The following NTM variants were observed in gnomAD, a reference collection of about 807,000 sequenced individuals.
The protein encoded by NTM is neurotrimin.
A neutral mutation model predicts 42.1 loss-of-function variants in NTM; 13 were observed. The observed-to-expected ratio is 0.31, with a 90% confidence interval of 0.20 to 0.49. The LOEUF (loss-of-function observed/expected upper bound fraction) is 0.49. Ranked by LOEUF, NTM falls within the 20% of genes least tolerant of loss-of-function variation. The probability of loss-of-function intolerance (pLI) is 0.99; values close to 1 mark genes in which losing one functional copy is unlikely to be tolerated. For synonymous variants in NTM, 187 were observed against 179.2 expected (o/e 1.04, Z -0.35); for missense variants, 373 against 452.8 (o/e 0.82, Z 1.60).
intron 1 of NTM, among the ~76,000 whole-genome samples, chr11:131,814,487 A>G (rs1039674845): frequency 1.3e-5 from 2 of 152,178 alleles, no homozygotes; most frequent in Admixed American, 6.5e-5. Flanking sequence ...GAACCTTTCC[A>G]TACGGTTTCA....
intron 1 of NTM, among the ~76,000 whole-genome samples, chr11:131,640,111 G>A (rs879815523): frequency 9.9e-5 from 15 of 152,160 alleles, no homozygotes; most frequent in Admixed American, 3.9e-4. Flanking sequence ...TTCTGAGAAC[G>A]TCTTTTTGTT....
chr11:132,303,602 T>A (rs1157152479), intron 4 of NTM, among the ~76,000 whole-genome samples: 3 of 152,004 alleles, frequency 2.0e-5, no homozygotes, highest in Admixed American at 1.3e-4. Context: ...CAACATACCT[T>A]TTTTGGGAGG....
intron 1 of NTM, among the ~76,000 whole-genome samples, chr11:131,809,167 C>A (rs1458070819): frequency 1.3e-5 from 2 of 152,326 alleles, no homozygotes; most frequent in East Asian, 1.9e-4. Context: ...GTGATAGATG[C>A]TCAACACTTA....
chr11:131,613,549 C>T (rs2061640504), intron 1 of NTM, among the ~76,000 whole-genome samples: 1 of 152,158 alleles, frequency 6.6e-6, no homozygotes, highest in African/African-American at 2.4e-5. Flanking sequence ...TCTTTCAAAC[C>T]TAGTAAATAT....
chr11:131,590,820 A>C (rs1439367701), intron 1 of NTM, among the ~76,000 whole-genome samples: 1 of 152,162 alleles, frequency 6.6e-6, no homozygotes, highest in Admixed American at 6.5e-5. Flanking sequence ...TGTAAGGTTT[A>C]ACCCAGGTCT....
chr11:132,316,205 C>CGGCTTCTTCTCCTTAAGCCATCTCAG (rs1459737882), intron 7 of NTM, among the ~76,000 whole-genome samples: 8 of 151,888 alleles, frequency 5.3e-5, no homozygotes, highest in Admixed American at 1.3e-4. Flanking sequence ...TATACTTCCC[C>CGGCTTCTTCTCCTTAAGCCATCTCAG]GGCTTCTTCT....
At chr11:131,990,799 A>T (rs1411505137) in intron 2 of NTM, among the ~76,000 whole-genome samples, 1 of 152,176 alleles carries the variant, frequency 6.6e-6, no homozygotes, top group Non-Finnish European at 1.5e-5. Flanking sequence ...CTAGCAAAGG[A>T]TCACATTTTC....
At chr11:132,022,596 A>G (rs969934107) in intron 2 of NTM, among the ~76,000 whole-genome samples, 2 of 152,198 alleles carry the variant, frequency 1.3e-5, no homozygotes, top group Non-Finnish European at 2.9e-5. Context: ...CTGACTGTGA[A>G]GTAAATTACA....
chr11:131,735,837 T>G (rs7484219), intron 1 of NTM, among the ~76,000 whole-genome samples: 1,364 of 64,478 alleles, frequency 0.021, 12 homozygotes, highest in African/African-American at 0.14. Context: ...ATTCATAAGG[T>G]GTGTGTGTGT....
chr11:132,037,281 C>G (rs1265483346), intron 2 of NTM, among the ~76,000 whole-genome samples: 1 of 152,050 alleles, frequency 6.6e-6, no homozygotes, highest in Non-Finnish European at 1.5e-5. Flanking sequence ...TTCCTCTCTC[C>G]CCTGTGATTT....
chr11:131,904,169 T>C (rs563362292), intron 1 of NTM, among the ~76,000 whole-genome samples: 1 of 152,224 alleles, frequency 6.6e-6, no homozygotes, highest in African/African-American at 2.4e-5. Flanking sequence ...TGTTTTTGGA[T>C]GGGGAACAAG....
intron 4 of NTM, among the ~76,000 whole-genome samples, chr11:132,293,394 T>A (rs544680133): frequency 6.6e-6 from 1 of 152,264 alleles, no homozygotes; most frequent in South Asian, 2.1e-4. Context: ...TGTCCCCGCC[T>A]GAGTATGAGA....
At chr11:131,554,174 T>C (rs1377324143) in intron 1 of NTM, among the ~76,000 whole-genome samples, 1 of 152,244 alleles carries the variant, frequency 6.6e-6, no homozygotes, top group Non-Finnish European at 1.5e-5. Flanking sequence ...TTGTCATTTC[T>C]ATCTCCCTTT....
At chr11:132,317,578 G>T in intron 7 of NTM, 1 of 813,602 alleles carries the variant, frequency 1.2e-6, no homozygotes, top group Non-Finnish European at 1.8e-6. Flanking sequence ...AACTATATAT[G>T]ACAAATATAT....
At chr11:131,731,606 G>A (rs1254836144) in intron 1 of NTM, among the ~76,000 whole-genome samples, 2 of 152,134 alleles carry the variant, frequency 1.3e-5, no homozygotes, top group African/African-American at 4.8e-5. Flanking sequence ...TCCTCCACGT[G>A]GACCTGGGCC....
At chr11:131,962,889 C>T (rs1419932258) in intron 2 of NTM, among the ~76,000 whole-genome samples, 1 of 152,198 alleles carries the variant, frequency 6.6e-6, no homozygotes, top group Non-Finnish European at 1.5e-5. Context: ...CTACTTCTCA[C>T]TGCAACCTCC....
At chr11:131,634,452 T>TGAAAA (rs1176187934) in intron 1 of NTM, among the ~76,000 whole-genome samples, 1 of 151,994 alleles carries the variant, frequency 6.6e-6, no homozygotes, top group Non-Finnish European at 1.5e-5. Flanking sequence ...AATACAGTAA[T>TGAAAA]GAAAATAAAG....
At chr11:131,396,513 G>A (rs1413579537) in intron 1 of NTM, among the ~76,000 whole-genome samples, 1 of 152,106 alleles carries the variant, frequency 6.6e-6, no homozygotes, top group Non-Finnish European at 1.5e-5. Flanking sequence ...AACAAATATG[G>A]TGAAAGAAGT....
At chr11:132,029,149 A>G (rs191363401) in intron 2 of NTM, among the ~76,000 whole-genome samples, 184 of 151,538 alleles carry the variant, frequency 1.2e-3, no homozygotes, top group Admixed American at 1.8e-3. Flanking sequence ...GTCTTTTCCA[A>G]TTTAGGGGCA....
Sources: allele counts gnomAD v4.1 joint callset (sites outside exome capture counted in the v4.1 genomes callset), GRCh38; gene constraint gnomAD v4.1.1; transcripts MANE v1.5; gene names NCBI Gene and HGNC (gene_info 2026-07-23, HGNC 2026-07-21).